Variants in ROR1 observed in about 807,000 individuals in gnomAD.
The protein encoded by ROR1 is ROR family WNT receptor 1.
In ROR1, 19 loss-of-function variants were observed where a neutral mutation model predicts 78.8. The observed-to-expected ratio is 0.24, with a 90% CI of 0.17 to 0.35. ROR1 has a LOEUF of 0.35. Among genes scored for constraint, ROR1 ranks in the 10% least tolerant of loss-of-function variants. ROR1 has a pLI of 1.00. For missense variants in ROR1, 917 were observed against 1,177.8 expected, an observed-to-expected ratio of 0.78 and a Z score of 3.24; for synonymous variants, 386 against 433.6, an observed-to-expected ratio of 0.89 and a Z score of 1.36.
At chr1:63,897,966 G>A (rs1044486594) in intron 1 of ROR1, among the ~76,000 whole-genome samples, 12 of 152,160 alleles carry the variant, frequency 7.9e-5, no homozygotes, top group African/African-American at 2.9e-4. Context: ...CCAATCTCCA[G>A]CCAGGAGACA....
chr1:64,007,950 C>T (rs1386575204), intron 1 of ROR1, among the ~76,000 whole-genome samples: 1 of 84,484 alleles, frequency 1.2e-5, no homozygotes, highest in Non-Finnish European at 2.7e-5. Flanking sequence ...GTATTTTGCC[C>T]TTGTTCTTTT....
chr1:63,968,393 A>G (rs1646092882), intron 1 of ROR1, among the ~76,000 whole-genome samples: 1 of 151,892 alleles, frequency 6.6e-6, no homozygotes, highest in African/African-American at 2.4e-5. Context: ...AGAGGAAATA[A>G]CCCCAAATGA....
intron 2 of ROR1, among the ~76,000 whole-genome samples, chr1:64,046,969 T>C (rs1397175223): frequency 6.6e-6 from 1 of 152,216 alleles, no homozygotes; most frequent in Non-Finnish European, 1.5e-5. Context: ...ATAGTAGGAT[T>C]TCAAAATAGT....
chr1:63,977,211 T>C (rs979998082), intron 1 of ROR1, among the ~76,000 whole-genome samples: 1 of 152,204 alleles, frequency 6.6e-6, no homozygotes, highest in Non-Finnish European at 1.5e-5. Flanking sequence ...TTATGGGAAC[T>C]ACAGTTCAAG....
chr1:64,120,201 T>G (rs1242951724), intron 4 of ROR1, among the ~76,000 whole-genome samples: 1 of 150,960 alleles, frequency 6.6e-6, no homozygotes, highest in African/African-American at 2.4e-5. Context: ...AGAGCAGGAT[T>G]CTTTCCCATG....
chr1:63,828,514 G>A (rs1168235488), intron 1 of ROR1, among the ~76,000 whole-genome samples: 1 of 152,078 alleles, frequency 6.6e-6, no homozygotes, highest in African/African-American at 2.4e-5. Context: ...ACTGATGGGG[G>A]CAACTTTCAC....
chr1:64,046,690 G>T (rs1646787821), intron 2 of ROR1, among the ~76,000 whole-genome samples: 1 of 152,162 alleles, frequency 6.6e-6, no homozygotes, highest in African/African-American at 2.4e-5. Flanking sequence ...GCCCACCTTG[G>T]TTTAGGGAGA....
chr1:63,896,232 C>G (rs947042304), intron 1 of ROR1, among the ~76,000 whole-genome samples: 1 of 151,666 alleles, frequency 6.6e-6, no homozygotes, highest in East Asian at 1.9e-4. Flanking sequence ...ATAAATATAC[C>G]CTTTCTGAAG....
intron 2 of ROR1, among the ~76,000 whole-genome samples, chr1:64,024,060 C>G (rs183802686): frequency 4.5e-4 from 68 of 152,298 alleles, no homozygotes; most frequent in African/African-American, 1.6e-3. Context: ...TTCTCCTTCA[C>G]CTTCTGCCAT....
intron 1 of ROR1, among the ~76,000 whole-genome samples, chr1:63,981,906 A>G (rs1215655639): frequency 6.6e-6 from 1 of 151,934 alleles, no homozygotes; most frequent in African/African-American, 2.4e-5. Flanking sequence ...AATCAAGCCC[A>G]CTCAGCCCAA....
At chr1:63,988,178 C>A (rs1478837569) in intron 1 of ROR1, among the ~76,000 whole-genome samples, 1 of 152,190 alleles carries the variant, frequency 6.6e-6, no homozygotes, top group Non-Finnish European at 1.5e-5. Flanking sequence ...ATGAGAGAAT[C>A]TGATTGTAAA....
chr1:63,856,748 C>G (rs1645151344), intron 1 of ROR1, among the ~76,000 whole-genome samples: 1 of 152,128 alleles, frequency 6.6e-6, no homozygotes, highest in African/African-American at 2.4e-5. Context: ...ACTGTTATAC[C>G]AGTCTTGACA....
In ROR1 at chr1:64,076,525, A is replaced by G. The variant is rs1220526217; in HGVS notation, c.482+25809A>G. On this transcript the variant is annotated intron_variant, in intron 4 of 8. Coordinates refer to ENST00000371079, the MANE Select transcript of ROR1 (RefSeq NM_005012.4). Reference sequence around the variant, plus strand: ...AACTTGCCTCAATTTAGAGAATGCCACCAAGAACAAAATTGGCATGCAGCC... The same window carrying G: ...AACTTGCCTCAATTTAGAGAATGCCGCCAAGAACAAAATTGGCATGCAGCC... Among the ~76,000 whole-genome samples, 4 of 152,224 alleles carry G rather than the reference A, an allele frequency of 2.6e-5. No homozygotes were observed. In the East Asian group the frequency reaches 5.8e-4, roughly 22 times the overall value.
At chr1:63,852,705 T>C (rs1302250711) in intron 1 of ROR1, among the ~76,000 whole-genome samples, 3 of 152,210 alleles carry the variant, frequency 2.0e-5, no homozygotes, top group African/African-American at 4.8e-5. Flanking sequence ...AAACAGATCA[T>C]TTTCACTGGG....
intron 1 of ROR1, among the ~76,000 whole-genome samples, chr1:63,917,701 C>A (rs1260969443): frequency 1.3e-5 from 2 of 152,138 alleles, no homozygotes; most frequent in Admixed American, 1.3e-4. Flanking sequence ...GGAGATGTGG[C>A]AGATGGAGCT....
chr1:63,955,523 A>G (rs1019832990), intron 1 of ROR1, among the ~76,000 whole-genome samples: 1 of 152,210 alleles, frequency 6.6e-6, no homozygotes, highest in African/African-American at 2.4e-5. Context: ...TTAAATTATT[A>G]ATTTAAAAAT....
At chr1:64,117,954 A>G (rs1350265645) in intron 4 of ROR1, among the ~76,000 whole-genome samples, 3 of 152,214 alleles carry the variant, frequency 2.0e-5, no homozygotes, top group Non-Finnish European at 4.4e-5. Context: ...TAATCCCAAC[A>G]CTTTGGGAGT....
intron 4 of ROR1, among the ~76,000 whole-genome samples, chr1:64,084,971 A>C (rs6698828): frequency 0.15 from 22,696 of 152,156 alleles, 1,765 homozygotes; most frequent in Middle Eastern, 0.2. Context: ...AGTTTCAAAT[A>C]ATTTTATGAA....
At chr1:63,950,408 T>G (rs182420601) in intron 1 of ROR1, among the ~76,000 whole-genome samples, 1 of 152,204 alleles carries the variant, frequency 6.6e-6, no homozygotes, top group Admixed American at 6.6e-5. Context: ...ATTTGTAAAC[T>G]GCTGTGGTGC....
Sources: allele counts gnomAD v4.1 joint callset (sites outside exome capture counted in the v4.1 genomes callset), GRCh38; gene constraint gnomAD v4.1.1; transcripts MANE v1.5; gene names NCBI Gene and HGNC (gene_info 2026-07-23, HGNC 2026-07-21).